MYH10: variants seen among roughly 807,000 people sequenced by gnomAD.
MYH10 encodes myosin heavy chain 10.
MYH10 carries 55 observed loss-of-function variants against 257.8 expected under a neutral mutation model. The observed-to-expected ratio is 0.21, with a 90% confidence interval of 0.17 to 0.27. MYH10 has a LOEUF of 0.27. Ranked by LOEUF, MYH10 falls within the 10% of genes least tolerant of loss-of-function variation. The probability of loss-of-function intolerance (pLI) is 1.00; values close to 1 mark genes in which losing one functional copy is unlikely to be tolerated. For missense variants in MYH10, 1,631 were observed against 2,500.6 expected, an observed-to-expected ratio of 0.65 and a Z score of 7.42; for synonymous variants, 854 against 921.7, an observed-to-expected ratio of 0.93 and a Z score of 1.33.
rs565787612 is a variant in MYH10, at chr17:8,477,169, G to T, written c.5707-121C>A. Reference sequence around the variant, plus strand: ...TACCCTTGTGAGCACGCGTGTACACGGATGTACACGCGTGCCTGGGGGCTG... The same window carrying T: ...TACCCTTGTGAGCACGCGTGTACACTGATGTACACGCGTGCCTGGGGGCTG... On this transcript the variant is annotated intron_variant, in intron 41 of 42. Transcript: ENST00000360416. The surrounding 1 kb of genome is among the most constrained non-coding windows in gnomAD (Gnocchi z 4.2). The T allele has an allele frequency of 2.9e-6, 3 of 1,047,916 alleles. No homozygotes were observed. Among genetic ancestry groups the T allele is most frequent in the African/African-American group, 3.2e-5 (2 of 63,024 alleles). 64.9% of individuals were successfully genotyped at this position (1,047,916 alleles called of 1,614,324 possible). A position where few individuals can be genotyped will look rare whatever the true frequency, so the allele number is the denominator to read the frequency against.
At chr17:8,513,448 A>G in intron 23 of MYH10, 90 bp downstream of exon 23, 2 of 1,548,530 alleles carry the variant, frequency 1.3e-6, no homozygotes, top group Admixed American at 2.0e-5. Flanking sequence ...GGGTACAGCT[A>G]TTCATAATGA....
In MYH10 at chr17:8,506,196, A is replaced by G. The variant is rs2081069698; in HGVS notation, c.3386+122T>C. On this transcript the variant is annotated intron_variant, in intron 27 of 42. Coordinates refer to ENST00000360416, the MANE Select transcript of MYH10 (RefSeq NM_001256012.3). This position sits in a 1 kb window ranked among gnomAD's most constrained non-coding sequence, Gnocchi z 5.0. Reference sequence around the variant, plus strand: ...TGGGCTTTTCACTTTCTCAGGTCACACCAAACAGCAAGCAAACCCCATCTC... The same window carrying G: ...TGGGCTTTTCACTTTCTCAGGTCACGCCAAACAGCAAGCAAACCCCATCTC... 1.9e-6 allele frequency: 2 copies of G among 1,041,144 alleles called. No individual in the cohort carries two copies. Among genetic ancestry groups the G allele is most frequent in the Admixed American group, 2.9e-5 (1 of 34,462 alleles). The allele number at this position is 1,041,144 out of a possible 1,614,324, so 64.5% of individuals were successfully genotyped here. A position where few individuals can be genotyped will look rare whatever the true frequency, so the allele number is the denominator to read the frequency against.
chr17:8,548,484 T>C (rs997571850), intron 10 of MYH10, 76 bp from the exon 11 acceptor site: 5 of 1,399,656 alleles, frequency 3.6e-6, no homozygotes, highest in Non-Finnish European at 4.9e-6. Context: ...ATTTATTTTG[T>C]GCTAAAAATT....
chr17:8,618,620 A>G (rs2085352104), intron 2 of MYH10, among the ~76,000 whole-genome samples: 1 of 152,258 alleles, frequency 6.6e-6, no homozygotes, highest in African/African-American at 2.4e-5. Flanking sequence ...CCACTGCATC[A>G]AAATCTACGG....
In MYH10 at chr17:8,492,433, T is replaced by C. The variant is rs751484817; in HGVS notation, c.4535A>G (p.Lys1512Arg). 3 of 1,613,168 alleles carry C rather than the reference T, an allele frequency of 1.9e-6. No homozygotes were observed. The highest frequency in any genetic ancestry group is 2.5e-6 in the Non-Finnish European group (3 of 1,180,020). ...RDRAEAEARE[K>R]ETKALSLARA... ...GGCCAGTGACAGGGCTTTGGTTTCT[T>C]TCTCTCTGGCCTCGGCTTCGGCCCG... Residue 1512 changes from lysine (K) to arginine (R), a missense_variant, in exon 34 of 43, where the codon AAA becomes AGA. Around this residue, in one of 11 missense-constraint regions of MYH10, gnomAD observed 463 missense variants for 621.8 expected, o/e 0.74. Transcript: ENST00000360416.
At chr17:8,577,504 G>T (rs1242513060) in intron 4 of MYH10, among the ~76,000 whole-genome samples, 166 bp from the exon 5 acceptor site, 1 of 152,142 alleles carries the variant, frequency 6.6e-6, no homozygotes, top group East Asian at 1.9e-4. Context: ...AATCATCCTT[G>T]TAAGAGGTAT....
chr17:8,558,821 T>C (rs192168081), intron 7 of MYH10, among the ~76,000 whole-genome samples: 4 of 152,236 alleles, frequency 2.6e-5, no homozygotes, highest in African/African-American at 9.6e-5. Flanking sequence ...AAGCATCAAT[T>C]AGAATGGTCA....
intron 6 of MYH10, among the ~76,000 whole-genome samples, chr17:8,574,402 G>T (rs1232962117): frequency 6.6e-6 from 1 of 152,180 alleles, no homozygotes; most frequent in East Asian, 1.9e-4. Context: ...ACTGCTAATG[G>T]GTATGGAGTT....
At chr17:8,530,088 G>A (rs147146085) in intron 17 of MYH10, among the ~76,000 whole-genome samples, 1 of 152,134 alleles carries the variant, frequency 6.6e-6, no homozygotes, top group Non-Finnish European at 1.5e-5. Context: ...TAGCCAGATA[G>A]GCACACAAAT....
chr17:8,563,891 GA>G (rs3067096), intron 7 of MYH10, among the ~76,000 whole-genome samples: 4 of 3,542 alleles, frequency 1.1e-3, no homozygotes, highest in African/African-American at 3.4e-3. Flanking sequence ...AGTCAACTTG[GA>G]AAAAAAAAAA....
chr17:8,511,015 CATATATATATATATAT>C lies in MYH10; in HGVS notation c.2953-1082_2953-1067del, dbSNP rs56144668. 65 of 120,546 alleles carry C rather than the reference CATATATATATATATAT, an allele frequency of 5.4e-4. 1 individual carries two copies. The highest frequency in any genetic ancestry group is 2.3e-3 in the African/African-American group (59 of 25,986). 7.5% of individuals were successfully genotyped at this position (120,546 alleles called of 1,614,324 possible). ...CTGTATCAAAACATCTCATGTACCCCATATATATATATATATATATATATATATATATATATATATA... is the reference window on the plus strand; with the variant it reads ...CTGTATCAAAACATCTCATGTACCCCATATATATATATATATATATATATA... On this transcript the variant is annotated intron_variant, in intron 24 of 42. Coordinates refer to ENST00000360416, the MANE Select transcript of MYH10 (RefSeq NM_001256012.3).
At chr17:8,541,382 T>C (rs899612471) in intron 14 of MYH10, among the ~76,000 whole-genome samples, 1 of 152,226 alleles carries the variant, frequency 6.6e-6, no homozygotes, top group African/African-American at 2.4e-5. Context: ...GTTTTTCTTA[T>C]ATTTTGGCAG....
chr17:8,544,433 T>C (rs745778624), intron 13 of MYH10, among the ~76,000 whole-genome samples: 5 of 152,228 alleles, frequency 3.3e-5, no homozygotes, highest in East Asian at 3.8e-4. Flanking sequence ...TGATCGTTTA[T>C]GTAGAGGAAA....
At chr17:8,566,626 T>C (rs1275201543) in intron 7 of MYH10, among the ~76,000 whole-genome samples, 1 of 151,612 alleles carries the variant, frequency 6.6e-6, no homozygotes, top group Non-Finnish European at 1.5e-5. Flanking sequence ...GTAGCCAACA[T>C]CTCAGTGACG....
intron 36 of MYH10, among the ~76,000 whole-genome samples, chr17:8,485,044 A>G (rs1335046101): frequency 6.6e-6 from 1 of 152,238 alleles, no homozygotes; most frequent in East Asian, 1.9e-4. Context: ...ATGATCTGAT[A>G]TTGTATATAG....
intron 17 of MYH10, among the ~76,000 whole-genome samples, chr17:8,527,754 C>T (rs1278347403): frequency 2.0e-5 from 3 of 152,214 alleles, no homozygotes; most frequent in East Asian, 1.9e-4. Context: ...ACCCTGAGAA[C>T]TAAATGTTGC....
chr17:8,542,349 T>C (rs922900054), intron 13 of MYH10, 69 bp from the exon 14 acceptor site: 2 of 1,426,994 alleles, frequency 1.4e-6, no homozygotes, highest in African/African-American at 2.9e-5. Flanking sequence ...ATTAGTTATG[T>C]AGTTATAAAA....
At chr17:8,517,010 G>A (rs1042622793) in intron 21 of MYH10, among the ~76,000 whole-genome samples, 8 of 151,788 alleles carry the variant, frequency 5.3e-5, no homozygotes, top group East Asian at 1.9e-4. Flanking sequence ...GTGTGGTGGC[G>A]GGCGCCTGTA....
At chr17:8,615,482 A>G (rs1196992370) in intron 2 of MYH10, among the ~76,000 whole-genome samples, 2 of 152,214 alleles carry the variant, frequency 1.3e-5, no homozygotes, top group Non-Finnish European at 2.9e-5. Context: ...CATATGACAA[A>G]GATATTATAA....
Sources: gnomAD v4.1 joint callset for allele counts (sites outside exome capture counted in the v4.1 genomes callset) on GRCh38, gnomAD v4.1.1 for gene constraint, gnomAD v4.1.1 regional missense constraint, Gnocchi (gnomAD v3.1) non-coding constraint, MANE v1.5 for transcripts, NCBI Gene and HGNC (gene_info 2026-07-23, HGNC 2026-07-21) for gene names.